LYPD6B: variants seen among roughly 807,000 people sequenced by gnomAD.
LYPD6B encodes the protein LY6/PLAUR domain containing 6B, also known as ly6/PLAUR domain-containing protein 6B.
A neutral mutation model predicts 22.8 loss-of-function variants in LYPD6B; 17 were observed. That is an observed-to-expected ratio of 0.75 (90% confidence interval 0.51 to 1.12). LYPD6B has a LOEUF of 1.12. Among genes scored for constraint, LYPD6B ranks in the 50% most tolerant of loss-of-function variants. LYPD6B has a pLI of 0.00. For missense variants in LYPD6B, 221 were observed against 258.3 expected (o/e 0.86, Z 0.99); for synonymous variants, 106 against 91.6 (o/e 1.16, Z -0.90).
intron 1 of LYPD6B, among the ~76,000 whole-genome samples, chr2:149,099,416 GCCTAGGATCCTTGTA>G (rs1340689321): frequency 2.9e-5 from 3 of 102,220 alleles, no homozygotes; most frequent in Non-Finnish European, 6.3e-5. Context: ...AGTTCCTTGG[GCCTAGGATCCTTGTA>G]CCTAGGATCC....
chr2:149,120,586 G>A (rs1234669659), intron 1 of LYPD6B, among the ~76,000 whole-genome samples: 1 of 146,926 alleles, frequency 6.8e-6, no homozygotes, highest in African/African-American at 2.5e-5. Flanking sequence ...GGTTTCACCG[G>A]GTTAGCCAGG....
At chr2:149,189,047 C>G (rs1692306481) in intron 3 of LYPD6B, among the ~76,000 whole-genome samples, 1 of 151,748 alleles carries the variant, frequency 6.6e-6, no homozygotes, top group South Asian at 2.1e-4. Flanking sequence ...AAGAATTTCC[C>G]CCTTACTATA....
At chr2:149,186,956 C>G (rs546871986) in intron 3 of LYPD6B, among the ~76,000 whole-genome samples, 2 of 152,178 alleles carry the variant, frequency 1.3e-5, no homozygotes, top group South Asian at 4.1e-4. Context: ...CAACCACCAC[C>G]CTGATGAGTC....
Position 149,160,812 on chromosome 2 carries a change from G to A in LYPD6B, c.54G>A (p.Leu18=). Reference sequence around the variant, plus strand: ...TTTTCACTGTTCCAGAGAGGAGCCTGACAACCACATTCTCCTTCTCAAGGT... The same window carrying A: ...TTTTCACTGTTCCAGAGAGGAGCCTAACAACCACATTCTCCTTCTCAAGGT... The part of the protein sequence containing the change: ...ANLFTVPERS[L]TTTFSFSRYK... Residue 18 remains leucine, a synonymous_variant, in exon 3 of 7, where the codon CTG becomes CTA. Transcript: ENST00000409642. 6.4e-7 allele frequency: 1 copy of A among 1,555,158 alleles called. No homozygotes were observed. Among genetic ancestry groups the A allele is most frequent in the Non-Finnish European group, 8.7e-7 (1 of 1,148,236 alleles).
intron 1 of LYPD6B, among the ~76,000 whole-genome samples, chr2:149,092,687 GAAA>G (rs1685712175): frequency 6.6e-6 from 1 of 152,136 alleles, no homozygotes; most frequent in East Asian, 1.9e-4. Context: ...CTTAAAGAGA[GAAA>G]AAACAAGCCC....
intron 3 of LYPD6B, among the ~76,000 whole-genome samples, chr2:149,178,698 C>T (rs1166561582): frequency 2.0e-5 from 3 of 152,200 alleles, no homozygotes; most frequent in Non-Finnish European, 4.4e-5. Context: ...TCTTCTAAGC[C>T]TAATGGCTGT....
intron 3 of LYPD6B, among the ~76,000 whole-genome samples, chr2:149,190,926 T>C (rs951974813): frequency 5.3e-5 from 8 of 152,156 alleles, no homozygotes; most frequent in African/African-American, 1.9e-4. Context: ...CAAACTTTAA[T>C]TTTATACTTT....
intron 1 of LYPD6B, among the ~76,000 whole-genome samples, chr2:149,085,454 G>T (rs967895018): frequency 1.3e-5 from 2 of 152,210 alleles, no homozygotes; most frequent in Admixed American, 6.5e-5. Flanking sequence ...AGTGGGAAGG[G>T]GTGGCTTAAT....
chr2:149,153,821 G>T (rs1335682027), intron 2 of LYPD6B, among the ~76,000 whole-genome samples: 27 of 152,144 alleles, frequency 1.8e-4, no homozygotes, highest in Non-Finnish European at 2.9e-5. Flanking sequence ...CAAGACAGGT[G>T]ATCCAAGCTG....
At chr2:149,091,609 A>T (rs1685655133) in intron 1 of LYPD6B, among the ~76,000 whole-genome samples, 1 of 150,888 alleles carries the variant, frequency 6.6e-6, no homozygotes, top group Non-Finnish European at 1.5e-5. Context: ...GTTTATATTC[A>T]TCATGATTGG....
chr2:149,125,021 G>A (rs1480656739), intron 1 of LYPD6B, among the ~76,000 whole-genome samples: 1 of 152,222 alleles, frequency 6.6e-6, no homozygotes, highest in Non-Finnish European at 1.5e-5. Flanking sequence ...TATTTTCTAA[G>A]AAGCAAGTTG....
chr2:149,191,089 A>G (rs977393009), intron 3 of LYPD6B, among the ~76,000 whole-genome samples: 1 of 152,168 alleles, frequency 6.6e-6, no homozygotes, highest in Non-Finnish European at 1.5e-5. Context: ...GCTACCCATC[A>G]TTCAGCCTCA....
At chr2:149,124,037 C>A (rs1687541793) in intron 1 of LYPD6B, among the ~76,000 whole-genome samples, 1 of 152,172 alleles carries the variant, frequency 6.6e-6, no homozygotes, top group Non-Finnish European at 1.5e-5. Flanking sequence ...TAGTTAAGGA[C>A]CCACTCCTGT....
chr2:149,123,299 A>G (rs1274897445), intron 1 of LYPD6B, among the ~76,000 whole-genome samples: 4 of 152,132 alleles, frequency 2.6e-5, no homozygotes, highest in African/African-American at 9.7e-5. Context: ...TTTTGGTTGT[A>G]TTTATTTATG....
At chr2:149,212,396 A>AAAG (rs1266325081) in intron 5 of LYPD6B, among the ~76,000 whole-genome samples, 1 of 150,820 alleles carries the variant, frequency 6.6e-6, no homozygotes, top group African/African-American at 2.4e-5. Context: ...AAAAAAAAAA[A>AAAG]AAAAAAAAGA....
intron 1 of LYPD6B, among the ~76,000 whole-genome samples, chr2:149,046,472 CT>C (rs762721590): frequency 6.6e-5 from 10 of 150,632 alleles, no homozygotes; most frequent in South Asian, 6.3e-4. Flanking sequence ...TCTATCTGTT[CT>C]TTTTTTTTCT....
intron 2 of LYPD6B, among the ~76,000 whole-genome samples, chr2:149,139,686 T>C (rs1335864065): frequency 1.3e-5 from 2 of 152,108 alleles, no homozygotes; most frequent in Non-Finnish European, 2.9e-5. Context: ...AAAACAAATA[T>C]CTTATTCAAA....
intron 3 of LYPD6B, among the ~76,000 whole-genome samples, chr2:149,204,126 T>C (rs1250718894): frequency 6.6e-6 from 1 of 152,246 alleles, no homozygotes; most frequent in Non-Finnish European, 1.5e-5. Flanking sequence ...TGAGTTCTTT[T>C]ATGTACACAA....
chr2:149,193,497 G>C (rs779068475), intron 3 of LYPD6B, among the ~76,000 whole-genome samples: 1 of 152,096 alleles, frequency 6.6e-6, no homozygotes, highest in Non-Finnish European at 1.5e-5. Context: ...GTGACCTTGA[G>C]TGAGGGTAGC....
Sources: gnomAD v4.1 joint callset for allele counts (sites outside exome capture counted in the v4.1 genomes callset) on GRCh38, gnomAD v4.1.1 for gene constraint, MANE v1.5 for transcripts, NCBI Gene and HGNC (gene_info 2026-07-23, HGNC 2026-07-21) for gene names.